The following NEDD1 variants were observed in gnomAD, a reference collection of about 807,000 sequenced individuals.
The protein encoded by NEDD1 is NEDD1 gamma-tubulin ring complex targeting factor, also known as protein NEDD1.
NEDD1 carries 33 observed loss-of-function variants against 74.0 expected under a neutral mutation model. The observed-to-expected ratio is 0.45, with a 90% confidence interval of 0.34 to 0.60. The LOEUF (loss-of-function observed/expected upper bound fraction) is 0.60, where lower values mean the gene tolerates loss of function less well. Ranked by LOEUF, NEDD1 falls within the 20% of genes least tolerant of loss-of-function variation. NEDD1 has a pLI of 0.01. For synonymous variants in NEDD1, 250 were observed against 264.4 expected (o/e 0.95, Z 0.53); for missense variants, 746 against 776.5 (o/e 0.96, Z 0.47).
At chr12:96,908,818 G>C (rs1471737712) in intron 2 of NEDD1, among the ~76,000 whole-genome samples, 1 of 152,184 alleles carries the variant, frequency 6.6e-6, no homozygotes, top group Non-Finnish European at 1.5e-5. Flanking sequence ...TTGTGAAACT[G>C]CTGTGTGCCA....
intron 2 of NEDD1, among the ~76,000 whole-genome samples, chr12:96,909,289 G>A (rs185155302): frequency 4.4e-4 from 67 of 152,288 alleles, no homozygotes; most frequent in African/African-American, 1.6e-3. Context: ...AAGGGACTGC[G>A]TTAGCCAGGG....
intron 4 of NEDD1, among the ~76,000 whole-genome samples, chr12:96,913,779 T>C (rs1316686152): frequency 6.6e-6 from 1 of 152,220 alleles, no homozygotes; most frequent in Non-Finnish European, 1.5e-5. Flanking sequence ...TAAGATAAGA[T>C]TTAAATAAAA....
At chr12:96,945,292 G>T (rs1010293335) in intron 13 of NEDD1, among the ~76,000 whole-genome samples, 1 of 152,080 alleles carries the variant, frequency 6.6e-6, no homozygotes, top group East Asian at 1.9e-4. Flanking sequence ...GATATATATT[G>T]CATTAGCTTA....
At chr12:96,942,692 A>G (rs1592924650) in intron 11 of NEDD1, 68 bp downstream of exon 11, 1 of 792,284 alleles carries the variant, frequency 1.3e-6, no homozygotes. Context: ...CTGTGTAACA[A>G]ATCTCTCCAA....
chr12:96,932,459 A>ATATATATATATATAT (rs1471701288), intron 6 of NEDD1, among the ~76,000 whole-genome samples: 28 of 12,026 alleles, frequency 2.3e-3, no homozygotes, highest in East Asian at 4.8e-3. Flanking sequence ...AAAAAAAAAA[A>ATATATATATATATAT]AAAAATATAT....
intron 9 of NEDD1, among the ~76,000 whole-genome samples, chr12:96,937,682 C>G (rs767099119): frequency 1.8e-4 from 28 of 152,206 alleles, no homozygotes; most frequent in South Asian, 1.0e-3. Flanking sequence ...ATCCTTAATA[C>G]TACTAAAGAC....
chr12:96,919,931 TG>T, intron 5 of NEDD1, 53 bp from the exon 6 acceptor site: 1 of 1,250,816 alleles, frequency 8.0e-7, no homozygotes, highest in Non-Finnish European at 1.1e-6. Context: ...AACATGAAAA[TG>T]GGCTGTTCGA....
intron 14 of NEDD1, 92 bp from the exon 15 acceptor site, chr12:96,951,339 AT>A: frequency 1.6e-6 from 1 of 641,490 alleles, no homozygotes; most frequent in Non-Finnish European, 2.8e-6. Flanking sequence ...ACATTCAGTA[AT>A]TTGGCAAATG....
intron 13 of NEDD1, 81 bp from the exon 14 acceptor site, chr12:96,945,612 A>G (rs1167069946): frequency 8.1e-6 from 7 of 867,434 alleles, no homozygotes; most frequent in Middle Eastern, 2.6e-4. Flanking sequence ...TCAAGTTTGC[A>G]CATGCCAAAT....
chr12:96,946,282 C>T (rs935738381), intron 14 of NEDD1, among the ~76,000 whole-genome samples: 2 of 151,164 alleles, frequency 1.3e-5, no homozygotes, highest in Non-Finnish European at 2.9e-5. Flanking sequence ...AATACTTAAT[C>T]TAAAAAAAAT....
intron 6 of NEDD1, among the ~76,000 whole-genome samples, chr12:96,932,181 C>T (rs942880476): frequency 6.6e-6 from 1 of 151,442 alleles, no homozygotes; most frequent in Admixed American, 6.6e-5. Flanking sequence ...GCTGCTTATA[C>T]TGCCGGGATT....
At chr12:96,909,946 A>T in intron 3 of NEDD1, 51 bp downstream of exon 3, 1 of 1,561,936 alleles carries the variant, frequency 6.4e-7, no homozygotes, top group Non-Finnish European at 8.6e-7. Context: ...ACCGCTTATT[A>T]GGTTAAACAA....
At chr12:96,942,385 G>C (rs1877747968) in intron 10 of NEDD1, among the ~76,000 whole-genome samples, 192 bp from the exon 11 acceptor site, 1 of 152,078 alleles carries the variant, frequency 6.6e-6, no homozygotes, top group Non-Finnish European at 1.5e-5. Context: ...CATATTTGCT[G>C]CTAAAGTGTG....
In NEDD1 at chr12:96,920,036, A is replaced by G. The variant is rs775698747; in HGVS notation, c.400A>G (p.Ile134Val). Residue 134 changes from isoleucine to valine, a missense_variant, in exon 6 of 16, where the codon ATT (isoleucine) becomes GTT (valine). Ile to Val is a conservative substitution (Grantham distance 29). Coordinates refer to ENST00000266742, the MANE Select transcript of NEDD1 (RefSeq NM_152905.4). ...CVTYNWNDCYIASGSLSGEII... is the reference protein window; with the variant it reads ...CVTYNWNDCYVASGSLSGEII... ...AACATACAATTGGAATGATTGCTAC[A>G]TTGCTTCTGGATCTCTTAGTGGTGA... 64 of 1,602,652 alleles carry G rather than the reference A, an allele frequency of 4.0e-5. No individual in the cohort carries two copies. Among genetic ancestry groups the G allele is most frequent in the East Asian group, 4.5e-5 (2 of 44,714 alleles).
intron 4 of NEDD1, among the ~76,000 whole-genome samples, chr12:96,915,860 CAA>C (rs1161121586): frequency 6.6e-6 from 1 of 151,878 alleles, no homozygotes; most frequent in Non-Finnish European, 1.5e-5. Flanking sequence ...AACTAGTAAA[CAA>C]AAAATACCCA....
chr12:96,935,638 G>A (rs959765142), intron 7 of NEDD1, among the ~76,000 whole-genome samples: 2 of 152,066 alleles, frequency 1.3e-5, no homozygotes, highest in Non-Finnish European at 2.9e-5. Flanking sequence ...CCTGGCCTCT[G>A]CTTACTAAAT....
chr12:96,908,225 G>A (rs1592846801), intron 2 of NEDD1, among the ~76,000 whole-genome samples: 1 of 152,184 alleles, frequency 6.6e-6, no homozygotes, highest in African/African-American at 2.4e-5. Flanking sequence ...TCGGATGAAT[G>A]GAGCATAAGG....
In NEDD1 at chr12:96,917,598, CTTTTTT is replaced by C; in HGVS notation, c.232-12_232-7del. 7.4e-7 allele frequency: 1 copy of C among 1,358,046 alleles called. No individual in the cohort carries two copies. The highest frequency in any genetic ancestry group is 9.7e-7 in the Non-Finnish European group (1 of 1,031,258). The allele number at this position is 1,358,046 out of a possible 1,614,324, so 84.1% of individuals were successfully genotyped here. A position where few individuals can be genotyped will look rare whatever the true frequency, so the allele number is the denominator to read the frequency against. ...TCTGGGCTCTGTTAAATTAAGGTAA[CTTTTTT>C]TTTTTTTTTTAAATAGCAAAAGCAG... On this transcript the variant is annotated splice_polypyrimidine_tract_variant and intron_variant, in intron 4 of 15. Transcript: ENST00000266742.
Position 96,950,080 on chromosome 12 carries a change from AT to A in NEDD1, c.1812-1351del, listed in dbSNP as rs1253442536. Among the ~76,000 whole-genome samples the A allele has an allele frequency of 3.9e-5, 6 of 152,174 alleles. No homozygotes were observed. The South Asian group carries it at 1.2e-3, about 31-fold the overall frequency. On this transcript the variant is annotated intron_variant, in intron 14 of 15. Transcript: ENST00000266742. ...GAAGATACCTGCAGTTCTCATATAA[AT>A]AACAAAGGATCAGATTATGTAAAGA...
Sources: allele counts gnomAD v4.1 joint callset (sites outside exome capture counted in the v4.1 genomes callset), GRCh38; gene constraint gnomAD v4.1.1; transcripts MANE v1.5; gene names NCBI Gene and HGNC (gene_info 2026-07-23, HGNC 2026-07-21).